TNFSF4: variants seen among roughly 807,000 people sequenced by gnomAD.
The protein encoded by TNFSF4 is TNF superfamily member 4.
In TNFSF4, 4 loss-of-function variants were observed where a neutral mutation model predicts 7.3. The ratio of observed to expected loss-of-function variants is 0.55; its 90% confidence interval spans 0.27 to 1.25. The LOEUF (loss-of-function observed/expected upper bound fraction) is 1.25, where lower values mean the gene tolerates loss of function less well. Among genes scored for constraint, TNFSF4 ranks in the 50% most tolerant of loss-of-function variants. The pLI, the probability that TNFSF4 is intolerant of heterozygous loss-of-function variation, is 0.12. For missense variants in TNFSF4, 181 were observed against 208.8 expected (o/e 0.87, Z 0.82); for synonymous variants, 76 against 83.7 (o/e 0.91, Z 0.50).
the TNFSF4 span, among the ~76,000 whole-genome samples, chr1:173,278,130 C>A: frequency 6.6e-6 from 1 of 152,056 alleles, no homozygotes; most frequent in African/African-American, 2.4e-5. Context: ...TTTTCCCAGC[C>A]TTTTCTGACA....
the TNFSF4 span, among the ~76,000 whole-genome samples, chr1:173,311,860 C>A: frequency 6.6e-6 from 1 of 151,874 alleles, no homozygotes; most frequent in Non-Finnish European, 1.5e-5. Flanking sequence ...AGCAACAAAT[C>A]GGTAATGGAC....
chr1:173,383,323 T>C, the TNFSF4 span, among the ~76,000 whole-genome samples: 2 of 152,234 alleles, frequency 1.3e-5, no homozygotes, highest in African/African-American at 4.8e-5. Context: ...ACATCAGTAA[T>C]GTTTATTGAG....
chr1:173,392,668 G>A, the TNFSF4 span, among the ~76,000 whole-genome samples: 1 of 152,108 alleles, frequency 6.6e-6, no homozygotes, highest in Admixed American at 6.6e-5. Flanking sequence ...CATTTTAGAA[G>A]GCAAAATGTC....
the TNFSF4 span, among the ~76,000 whole-genome samples, chr1:173,445,102 A>G: frequency 6.6e-6 from 1 of 152,348 alleles, no homozygotes; most frequent in Non-Finnish European, 1.5e-5. Context: ...AAGTGAAAAA[A>G]GAATATAAAA....
the TNFSF4 span, among the ~76,000 whole-genome samples, chr1:173,419,902 T>TG: frequency 1.3e-5 from 2 of 150,700 alleles, no homozygotes; most frequent in Admixed American, 6.6e-5. Flanking sequence ...TTAGTTTGTG[T>TG]GGCGGGGGGG....
chr1:173,440,116 G>T, the TNFSF4 span, among the ~76,000 whole-genome samples: 1 of 152,136 alleles, frequency 6.6e-6, no homozygotes, highest in African/African-American at 2.4e-5. Context: ...TCTAGGGCCT[G>T]GTTGGAGCTA....
the TNFSF4 span, among the ~76,000 whole-genome samples, chr1:173,449,803 G>A: frequency 6.6e-6 from 1 of 152,140 alleles, no homozygotes; most frequent in African/African-American, 2.4e-5. Flanking sequence ...GTGATTTAGA[G>A]AAATTTATAA....
At chr1:173,195,747 G>A (rs940823013) in intron 1 of TNFSF4, among the ~76,000 whole-genome samples, 4 of 152,222 alleles carry the variant, frequency 2.6e-5, no homozygotes, top group African/African-American at 9.6e-5. Flanking sequence ...CCAGGAAGTG[G>A]GCTCTGCACT....
At chr1:173,355,433 G>T in the TNFSF4 span, among the ~76,000 whole-genome samples, 1 of 152,134 alleles carries the variant, frequency 6.6e-6, no homozygotes, top group African/African-American at 2.4e-5. Context: ...GAGAGAAGAC[G>T]TACAACAATA....
the TNFSF4 span, among the ~76,000 whole-genome samples, chr1:173,345,395 T>G: frequency 2.0e-5 from 3 of 152,102 alleles, no homozygotes; most frequent in Admixed American, 6.5e-5. Flanking sequence ...TCTGTAACCA[T>G]TGCAACAGAG....
chr1:173,432,286 T>C, the TNFSF4 span, among the ~76,000 whole-genome samples: 6 of 152,350 alleles, frequency 3.9e-5, no homozygotes, highest in Admixed American at 1.3e-4. Context: ...CAGAGTGTTA[T>C]GAAATGAATT....
At chr1:173,234,833 T>C in the TNFSF4 span, among the ~76,000 whole-genome samples, 1 of 152,112 alleles carries the variant, frequency 6.6e-6, no homozygotes, top group Non-Finnish European at 1.5e-5. Flanking sequence ...TTAGGAGATA[T>C]ACCCAATGTA....
chr1:173,378,598 G>A, the TNFSF4 span, among the ~76,000 whole-genome samples: 1 of 152,122 alleles, frequency 6.6e-6, no homozygotes, highest in Admixed American at 6.5e-5. Flanking sequence ...GCCACCTGAG[G>A]GAAGTATAAA....
the TNFSF4 span, among the ~76,000 whole-genome samples, chr1:173,310,717 T>C: frequency 2.6e-5 from 4 of 151,630 alleles, no homozygotes; most frequent in Admixed American, 6.6e-5. Flanking sequence ...CTGAGAAATA[T>C]ATGTTAAAAA....
At chr1:173,365,734 A>G in the TNFSF4 span, among the ~76,000 whole-genome samples, 3 of 152,218 alleles carry the variant, frequency 2.0e-5, no homozygotes, top group Admixed American at 2.0e-4. Flanking sequence ...GTTGATCATT[A>G]CTTCTGATGA....
At chr1:173,258,530 A>C in the TNFSF4 span, among the ~76,000 whole-genome samples, 6 of 152,194 alleles carry the variant, frequency 3.9e-5, no homozygotes. Flanking sequence ...TTGGGTCCCA[A>C]GCACAGAGTT....
the TNFSF4 span, among the ~76,000 whole-genome samples, chr1:173,234,808 T>C: frequency 3.2e-3 from 477 of 150,596 alleles, 5 homozygotes; most frequent in African/African-American, 0.011. Context: ...GTGGAGGGAG[T>C]GGGGAGGGAT....
the TNFSF4 span, among the ~76,000 whole-genome samples, chr1:173,448,424 C>T: frequency 3.3e-4 from 50 of 152,198 alleles, no homozygotes; most frequent in African/African-American, 1.2e-3. Context: ...TTTTCATGCG[C>T]GTCCATGTGA....
At chr1:173,439,560 C>G in the TNFSF4 span, among the ~76,000 whole-genome samples, 1 of 152,166 alleles carries the variant, frequency 6.6e-6, no homozygotes, top group Admixed American at 6.5e-5. Context: ...CCTGTGGCCT[C>G]AATCCTGCTA....
Sources: gnomAD v4.1 joint callset for allele counts (sites outside exome capture counted in the v4.1 genomes callset) on GRCh38, gnomAD v4.1.1 for gene constraint, MANE v1.5 for transcripts, NCBI Gene and HGNC (gene_info 2026-07-23, HGNC 2026-07-21) for gene names.